Variants in RBFOX1 observed in about 807,000 individuals in gnomAD.
RBFOX1 encodes the protein RNA binding fox-1 homolog 1, also known as RNA binding protein fox-1 homolog 1.
A neutral mutation model predicts 57.7 loss-of-function variants in RBFOX1; 8 were observed. The observed-to-expected ratio is 0.14, with a 90% CI of 0.08 to 0.25. The LOEUF (loss-of-function observed/expected upper bound fraction) is 0.25. Among genes scored for constraint, RBFOX1 ranks in the 10% least tolerant of loss-of-function variants. The pLI is 1.00. For missense variants in RBFOX1, 611 were observed against 548.5 expected (o/e 1.11, Z -1.14); for synonymous variants, 326 against 222.4 (o/e 1.47, Z -4.15).
intron 3 of RBFOX1, among the ~76,000 whole-genome samples, chr16:5,710,440 G>A (rs1341987152): frequency 6.6e-6 from 1 of 152,186 alleles, no homozygotes; most frequent in Non-Finnish European, 1.5e-5. Flanking sequence ...CCAAGAGGAG[G>A]GGAAGAGACT....
intron 3 of RBFOX1, among the ~76,000 whole-genome samples, chr16:6,899,290 T>C (rs1023067986): frequency 6.6e-6 from 1 of 152,144 alleles, no homozygotes; most frequent in Non-Finnish European, 1.5e-5. Context: ...GTGTGTATAA[T>C]ACATATGTGT....
intron 4 of RBFOX1, among the ~76,000 whole-genome samples, chr16:7,189,306 G>A (rs1358256778): frequency 1.3e-5 from 2 of 151,292 alleles, no homozygotes; most frequent in Non-Finnish European, 2.9e-5. Flanking sequence ...GGCGCCTGAA[G>A]TCACAGCTAC....
chr16:6,470,484 T>G (rs2095148305), intron 2 of RBFOX1, among the ~76,000 whole-genome samples: 1 of 152,218 alleles, frequency 6.6e-6, no homozygotes. Context: ...ACATGAATAG[T>G]GCAAATATGT....
At chr16:5,527,665 T>G (rs2044298704) in intron 2 of RBFOX1, among the ~76,000 whole-genome samples, 1 of 152,186 alleles carries the variant, frequency 6.6e-6, no homozygotes, top group African/African-American at 2.4e-5. Context: ...GATGGTTTTT[T>G]GGGTTTTGTG....
At chr16:5,720,241 C>T (rs1405461090) in intron 3 of RBFOX1, among the ~76,000 whole-genome samples, 2 of 152,102 alleles carry the variant, frequency 1.3e-5, no homozygotes, top group Non-Finnish European at 2.9e-5. Context: ...CATGCCTGTT[C>T]AGATTCTTGG....
chr16:5,572,517 G>A (rs1042693727), intron 2 of RBFOX1, among the ~76,000 whole-genome samples: 7 of 152,160 alleles, frequency 4.6e-5, no homozygotes, highest in African/African-American at 1.4e-4. Context: ...ATACATGGCA[G>A]CATCTTCTTC....
At chr16:7,414,938 A>G (rs939764706) in intron 4 of RBFOX1, among the ~76,000 whole-genome samples, 15 of 152,198 alleles carry the variant, frequency 9.9e-5, no homozygotes, top group African/African-American at 3.4e-4. Flanking sequence ...AATCCCTGTA[A>G]CAGATTATGC....
chr16:5,334,283 G>T (rs879561825), intron 1 of RBFOX1, among the ~76,000 whole-genome samples: 3 of 152,212 alleles, frequency 2.0e-5, no homozygotes, highest in Non-Finnish European at 4.4e-5. Context: ...TTTCTGGTCA[G>T]AGATGTCATT....
chr16:5,736,461 TCTG>T (rs1416503964), intron 3 of RBFOX1, among the ~76,000 whole-genome samples: 1 of 152,006 alleles, frequency 6.6e-6, no homozygotes, highest in Non-Finnish European at 1.5e-5. Context: ...TGTCCCAGCT[TCTG>T]CTGCGTTTCC....
At chr16:6,433,193 G>A (rs1039578248) in intron 2 of RBFOX1, among the ~76,000 whole-genome samples, 6 of 152,174 alleles carry the variant, frequency 3.9e-5, no homozygotes, top group African/African-American at 9.7e-5. Context: ...AAGCAGTCAG[G>A]TGTTGTGTAG....
At chr16:7,518,539 T>C (rs2076871423) in intron 5 of RBFOX1, 150 bp downstream of exon 5, 1 of 967,826 alleles carries the variant, frequency 1.0e-6, no homozygotes. Context: ...CTTCCTGAAG[T>C]TTACCTCATT....
chr16:5,467,394 C>A, intron 2 of RBFOX1: 2 of 762,212 alleles, frequency 2.6e-6, no homozygotes, highest in Non-Finnish European at 4.0e-6. Flanking sequence ...CAGTTCATCC[C>A]TTAGCAAGAA....
At position 5,674,140 on chromosome 16, in the gene RBFOX1, C is replaced by T. The variant is rs1332114458; in HGVS notation, c.318+75179C>T. On this transcript the variant is annotated intron_variant, in intron 3 of 19. Transcript: ENST00000641259. ...ACACAGCAGATATAAGCCCTGTCTT[C>T]ATTGTTCTTAGGGTCTAGAAGTGGG... Among the ~76,000 whole-genome samples the T allele has an allele frequency of 3.9e-5, 6 of 152,144 alleles. No individual in the cohort carries two copies. The East Asian group carries it at 1.2e-3, about 29-fold the overall frequency.
chr16:7,212,052 G>C (rs8052265), intron 4 of RBFOX1, among the ~76,000 whole-genome samples: 1 of 151,826 alleles, frequency 6.6e-6, no homozygotes, highest in Non-Finnish European at 1.5e-5. Context: ...GGGCCAAGAA[G>C]GTTCCTAACA....
intron 4 of RBFOX1, among the ~76,000 whole-genome samples, chr16:7,246,670 G>T (rs1213180038): frequency 8.3e-6 from 1 of 120,380 alleles, no homozygotes; most frequent in African/African-American, 3.4e-5. Context: ...GAGTTTGAAT[G>T]CAATTATTCC....
intron 2 of RBFOX1, among the ~76,000 whole-genome samples, chr16:6,652,981 C>T (rs1339994331): frequency 1.3e-5 from 2 of 152,088 alleles, no homozygotes; most frequent in Non-Finnish European, 2.9e-5. Flanking sequence ...AAACATCTCC[C>T]TGTGATCTCA....
intron 4 of RBFOX1, among the ~76,000 whole-genome samples, chr16:7,345,656 G>A (rs2096984899): frequency 6.6e-6 from 1 of 152,168 alleles, no homozygotes; most frequent in South Asian, 2.1e-4. Context: ...AGGGACCAGA[G>A]CTCCCACTTG....
chr16:5,727,838 C>T (rs545564665), intron 3 of RBFOX1, among the ~76,000 whole-genome samples: 2 of 152,250 alleles, frequency 1.3e-5, no homozygotes, highest in South Asian at 4.2e-4. Flanking sequence ...CAGGTGTGCG[C>T]CACCATGCCC....
intron 3 of RBFOX1, among the ~76,000 whole-genome samples, chr16:6,862,098 G>A (rs1353893474): frequency 2.0e-5 from 3 of 152,142 alleles, no homozygotes; most frequent in African/African-American, 7.2e-5. Context: ...ATTGGGCTGT[G>A]AGGGATACTT....
Sources: allele counts gnomAD v4.1 joint callset (sites outside exome capture counted in the v4.1 genomes callset), GRCh38; gene constraint gnomAD v4.1.1; transcripts MANE v1.5; gene names NCBI Gene and HGNC (gene_info 2026-07-23, HGNC 2026-07-21).